The following CASD1 variants were observed in gnomAD, a reference collection of about 807,000 sequenced individuals.
CASD1 encodes N-acetylneuraminate (7)9-O-acetyltransferase.
In CASD1, 41 loss-of-function variants were observed where a neutral mutation model predicts 100.0. The ratio of observed to expected loss-of-function variants is 0.41; its 90% confidence interval spans 0.32 to 0.53. The LOEUF is 0.53. Ranked by LOEUF, CASD1 falls within the 20% of genes least tolerant of loss-of-function variation. The probability of loss-of-function intolerance (pLI) is 0.25; values close to 1 mark genes in which losing one functional copy is unlikely to be tolerated. For synonymous variants in CASD1, 321 were observed against 315.6 expected, an observed-to-expected ratio of 1.02 and a Z score of -0.18; for missense variants, 774 against 948.7, an observed-to-expected ratio of 0.82 and a Z score of 2.42.
At chr7:94,595,811 G>A in the CASD1 span, among the ~76,000 whole-genome samples, 1 of 151,940 alleles carries the variant, frequency 6.6e-6, no homozygotes, top group Non-Finnish European at 1.5e-5. Flanking sequence ...CACATATTCT[G>A]GCTTATAGGG....
chr7:94,545,523 A>G (rs1338776409), intron 11 of CASD1, 22 bp from the exon 12 acceptor site: 4 of 1,578,452 alleles, frequency 2.5e-6, no homozygotes, highest in Admixed American at 3.5e-5. Flanking sequence ...GAATGAAACC[A>G]TTTTCTTCTC....
the CASD1 span, chr7:94,628,307 T>C: frequency 6.2e-7 from 1 of 1,611,730 alleles, no homozygotes; most frequent in Admixed American, 1.7e-5. Flanking sequence ...CAGGTCGGTC[T>C]GGGTAACCCA....
At chr7:94,582,168 A>C in the CASD1 span, among the ~76,000 whole-genome samples, 1 of 152,204 alleles carries the variant, frequency 6.6e-6, no homozygotes, top group African/African-American at 2.4e-5. Flanking sequence ...CCCAGACTGA[A>C]GTGCAGTGGC....
At chr7:94,564,449 A>G in the CASD1 span, among the ~76,000 whole-genome samples, 2 of 152,166 alleles carry the variant, frequency 1.3e-5, no homozygotes, top group African/African-American at 4.8e-5. Flanking sequence ...CGTCTTTGGC[A>G]GTTAGGGAGG....
the CASD1 span, among the ~76,000 whole-genome samples, chr7:94,563,283 G>A: frequency 6.6e-6 from 1 of 152,154 alleles, no homozygotes; most frequent in African/African-American, 2.4e-5. Context: ...CAACATTAAA[G>A]AGGCGTCTTC....
the CASD1 span, chr7:94,629,104 G>T: frequency 6.6e-6 from 1 of 151,834 alleles, no homozygotes; most frequent in Non-Finnish European, 1.5e-5. Flanking sequence ...ACTTTTATTT[G>T]CTGCTTAAGG....
chr7:94,610,269 T>C, the CASD1 span, among the ~76,000 whole-genome samples: 5 of 152,182 alleles, frequency 3.3e-5, no homozygotes, highest in Non-Finnish European at 1.5e-5. Flanking sequence ...TGTATGATAC[T>C]ATAATGATGG....
At chr7:94,525,424 G>C (rs947774720) in intron 3 of CASD1, among the ~76,000 whole-genome samples, 1 of 152,196 alleles carries the variant, frequency 6.6e-6, no homozygotes, top group Non-Finnish European at 1.5e-5. Flanking sequence ...AGGTGGTTCA[G>C]TGTGTTGGCA....
At chr7:94,624,763 C>T in the CASD1 span, 1 of 151,876 alleles carries the variant, frequency 6.6e-6, no homozygotes, top group African/African-American at 2.4e-5. Flanking sequence ...GAAGCTTCAG[C>T]TTAGAAAAAA....
the CASD1 span, chr7:94,623,706 T>A: frequency 2.4e-6 from 1 of 412,754 alleles, no homozygotes. Context: ...TTAACCATTA[T>A]GAATTACTTA....
At chr7:94,609,076 T>G in the CASD1 span, among the ~76,000 whole-genome samples, 2 of 152,290 alleles carry the variant, frequency 1.3e-5, no homozygotes, top group East Asian at 3.9e-4. Flanking sequence ...TGGACTTAAT[T>G]AAAATTAAAA....
chr7:94,567,061 C>CT, the CASD1 span, among the ~76,000 whole-genome samples: 3 of 152,080 alleles, frequency 2.0e-5, no homozygotes, highest in African/African-American at 7.2e-5. Flanking sequence ...GTGTTACACA[C>CT]TTTCACATTT....
At chr7:94,532,205 A>G (rs1794885026) in intron 5 of CASD1, among the ~76,000 whole-genome samples, 1 of 152,144 alleles carries the variant, frequency 6.6e-6, no homozygotes, top group South Asian at 2.1e-4. Flanking sequence ...TATGTGTACA[A>G]TGTTTTTTCC....
intron 3 of CASD1, among the ~76,000 whole-genome samples, chr7:94,525,208 T>G (rs1794499986): frequency 6.6e-6 from 1 of 152,202 alleles, no homozygotes; most frequent in South Asian, 2.1e-4. Context: ...GTTCGTTTAA[T>G]TCTGTCAGCT....
chr7:94,593,325 TTCCTGAAAAATGTG>T, the CASD1 span, among the ~76,000 whole-genome samples: 2 of 151,962 alleles, frequency 1.3e-5, no homozygotes, highest in African/African-American at 4.8e-5. Flanking sequence ...AATTAATATC[TTCCTGAAAAATGTG>T]TGGAGTACTA....
chr7:94,600,692 G>C, the CASD1 span: 9 of 1,613,788 alleles, frequency 5.6e-6, no homozygotes, highest in Non-Finnish European at 7.6e-6. Context: ...ATTAGAAAAA[G>C]GACCAGTGCC....
the CASD1 span, among the ~76,000 whole-genome samples, chr7:94,611,889 A>G: frequency 1.1e-4 from 17 of 152,326 alleles, no homozygotes; most frequent in Non-Finnish European, 2.2e-4. Flanking sequence ...TGGGAAACAA[A>G]TAGTAAATAA....
chr7:94,617,885 T>C, the CASD1 span: 1 of 152,238 alleles, frequency 6.6e-6, no homozygotes, highest in African/African-American at 2.4e-5. Flanking sequence ...TAGCTAATTC[T>C]AGATATCACC....
intron 5 of CASD1, among the ~76,000 whole-genome samples, chr7:94,532,026 A>G (rs1266208609): frequency 1.3e-5 from 2 of 152,124 alleles, no homozygotes. Context: ...GTAAGTTACT[A>G]AGTACTATAT....
Sources: gnomAD v4.1 joint callset for allele counts (sites outside exome capture counted in the v4.1 genomes callset) on GRCh38, gnomAD v4.1.1 for gene constraint, MANE v1.5 for transcripts, NCBI Gene and HGNC (gene_info 2026-07-23, HGNC 2026-07-21) for gene names.